The following NTRK3 variants were observed in gnomAD, a reference collection of about 807,000 sequenced individuals.
NTRK3 encodes the protein NT-3 growth factor receptor.
Under a neutral mutation model 91.7 loss-of-function variants are expected in NTRK3, and 24 were observed. The observed-to-expected ratio is 0.26, with a 90% CI of 0.19 to 0.37. The LOEUF is 0.37. Among genes scored for constraint, NTRK3 ranks in the 10% least tolerant of loss-of-function variants. NTRK3 has a pLI of 1.00. For synonymous variants in NTRK3, 483 were observed against 404.0 expected, an observed-to-expected ratio of 1.20 and a Z score of -2.34; for missense variants, 880 against 1,068.9, an observed-to-expected ratio of 0.82 and a Z score of 2.46.
At chr15:87,967,964 T>A (rs878869341) in intron 14 of NTRK3, among the ~76,000 whole-genome samples, 1 of 152,198 alleles carries the variant, frequency 6.6e-6, no homozygotes, top group African/African-American at 2.4e-5. Flanking sequence ...AGAATCTGCT[T>A]GTGCCTGTTT....
At chr15:88,136,387 C>G in intron 8 of NTRK3, 80 bp downstream of exon 8, 1 of 1,587,296 alleles carries the variant, frequency 6.3e-7, no homozygotes, top group Non-Finnish European at 8.6e-7. Context: ...GTAACAAGAC[C>G]GCAAATTTTC....
chr15:88,016,764 T>A (rs1178487571), intron 14 of NTRK3, among the ~76,000 whole-genome samples: 1 of 152,352 alleles, frequency 6.6e-6, no homozygotes, highest in East Asian at 1.9e-4. Flanking sequence ...CAGTTCATAA[T>A]GTAGAACGTC....
At chr15:88,003,632 C>T (rs188957784) in intron 14 of NTRK3, among the ~76,000 whole-genome samples, 1 of 152,166 alleles carries the variant, frequency 6.6e-6, no homozygotes, top group Non-Finnish European at 1.5e-5. Flanking sequence ...CTAACTACTA[C>T]AATGCACTGC....
chr15:88,143,235 A>T (rs984224953), intron 6 of NTRK3, among the ~76,000 whole-genome samples: 1 of 152,182 alleles, frequency 6.6e-6, no homozygotes, highest in African/African-American at 2.4e-5. Flanking sequence ...ATATAAAATG[A>T]AATAGAAAAA....
chr15:88,247,866 G>A (rs1033921897), intron 3 of NTRK3, among the ~76,000 whole-genome samples: 3 of 152,256 alleles, frequency 2.0e-5, no homozygotes, highest in African/African-American at 7.2e-5. Flanking sequence ...AGGTCGCGGG[G>A]GGATAAAGGC....
intron 14 of NTRK3, among the ~76,000 whole-genome samples, chr15:87,953,496 T>C (rs557666774): frequency 1.2e-4 from 18 of 152,312 alleles, no homozygotes; most frequent in East Asian, 1.2e-3. Flanking sequence ...ATCCCAGACA[T>C]TGGAGGTCAA....
At position 88,255,056 on chromosome 15, in the gene NTRK3, C is replaced by G. The variant is rs1283932453; in HGVS notation, c.248+850G>C. On this transcript the variant is annotated intron_variant, in intron 3 of 18. Coordinates refer to ENST00000394480, the Ensembl canonical transcript of NTRK3. The surrounding 1 kb of genome is among the most constrained non-coding windows in gnomAD (Gnocchi z 4.3). ...CTCCCTCGGAGGGGGCAGAACCAAG[C>G]AAAAGCCAGCCAGAGTTGAATGTTC... is the stretch of plus-strand genomic sequence containing the variant. Among the ~76,000 whole-genome samples the G allele has an allele frequency of 2.0e-5, 3 of 152,160 alleles. No individual in the cohort carries two copies.
chr15:88,136,106 C>A lies in NTRK3; in HGVS notation c.766-66G>T. The A allele has an allele frequency of 5.1e-6, 8 of 1,578,300 alleles. No individual in the cohort carries two copies. In the South Asian group the frequency reaches 8.9e-5, roughly 17 times the overall value. Reference sequence around the variant, plus strand: ...ACAAGGATGGCTCTGCTACCTAATCCCCAAATACCTTTAGGAATCAAAAGG... The same window carrying A: ...ACAAGGATGGCTCTGCTACCTAATCACCAAATACCTTTAGGAATCAAAAGG... On this transcript the variant is annotated intron_variant, in intron 8 of 18. Transcript: ENST00000394480.
At chr15:87,905,775 G>A (rs548565678) in intron 17 of NTRK3, among the ~76,000 whole-genome samples, 20 of 152,034 alleles carry the variant, frequency 1.3e-4, no homozygotes, top group Admixed American at 7.9e-4. Flanking sequence ...TCCTTCCAAC[G>A]TGCGTGAGCC....
chr15:87,971,656 C>T (rs980171131), intron 14 of NTRK3, among the ~76,000 whole-genome samples: 4 of 152,172 alleles, frequency 2.6e-5, no homozygotes, highest in Non-Finnish European at 4.4e-5. Flanking sequence ...AGAGGCTAAA[C>T]CCTTTCAGCT....
intron 13 of NTRK3, 128 bp from the exon 14 acceptor site, chr15:88,033,173 G>GC (rs1372381018): frequency 6.5e-6 from 2 of 308,394 alleles, no homozygotes; most frequent in African/African-American, 1.4e-4. Context: ...TTTGGGGGGT[G>GC]TGTTATATAT....
chr15:87,908,104 T>C (rs1021468140), intron 17 of NTRK3, among the ~76,000 whole-genome samples: 1 of 152,106 alleles, frequency 6.6e-6, no homozygotes, highest in Non-Finnish European at 1.5e-5. Context: ...AAACTCAAGG[T>C]CACACCTCCT....
chr15:87,984,381 T>C (rs2074555046), intron 14 of NTRK3, among the ~76,000 whole-genome samples: 1 of 152,240 alleles, frequency 6.6e-6, no homozygotes, highest in African/African-American at 2.4e-5. Context: ...CAAAGCATTC[T>C]AATGGTGCCT....
At chr15:88,128,879 T>A (rs1177440021) in intron 10 of NTRK3, 145 bp from the exon 11 acceptor site, 32 of 751,860 alleles carry the variant, frequency 4.3e-5, no homozygotes, top group Non-Finnish European at 7.2e-5. Context: ...GCATGGCACA[T>A]CACCCGTCTC....
chr15:88,089,171 A>T (rs2048780957), intron 13 of NTRK3, among the ~76,000 whole-genome samples: 2 of 152,160 alleles, frequency 1.3e-5, no homozygotes, highest in South Asian at 4.1e-4. Flanking sequence ...ATAGATCTCC[A>T]AATCTCAAAA....
At chr15:87,953,890 C>T (rs113352543) in intron 14 of NTRK3, among the ~76,000 whole-genome samples, 3 of 152,112 alleles carry the variant, frequency 2.0e-5, no homozygotes, top group Non-Finnish European at 2.9e-5. Context: ...TCCCTGGGAA[C>T]GAGTTCTTTC....
intron 13 of NTRK3, among the ~76,000 whole-genome samples, chr15:88,043,989 G>T (rs928773375): frequency 1.3e-5 from 2 of 152,096 alleles, no homozygotes; most frequent in African/African-American, 2.4e-5. Flanking sequence ...ATGGCATATT[G>T]TCACCCCCAG....
chr15:88,139,858 G>GA (rs1278898579), intron 6 of NTRK3, among the ~76,000 whole-genome samples: 1 of 144,656 alleles, frequency 6.9e-6, no homozygotes, highest in Non-Finnish European at 1.5e-5. Flanking sequence ...GAGAGAAGCA[G>GA]AGAGGAGCAA....
At chr15:88,148,155 ATATC>A (rs1291681845) in intron 5 of NTRK3, among the ~76,000 whole-genome samples, 1 of 152,218 alleles carries the variant, frequency 6.6e-6, no homozygotes, top group Admixed American at 6.5e-5. Flanking sequence ...ATTTAGGTAA[ATATC>A]TATCCACACA....
Sources: allele counts gnomAD v4.1 joint callset (sites outside exome capture counted in the v4.1 genomes callset), GRCh38; gene constraint gnomAD v4.1.1; non-coding constraint Gnocchi (gnomAD v3.1); transcripts MANE v1.5; gene names NCBI Gene and HGNC (gene_info 2026-07-23, HGNC 2026-07-21).